PXK: variants seen among roughly 807,000 people sequenced by gnomAD.
The protein encoded by PXK is PX domain containing serine/threonine kinase like, also known as PX domain-containing protein kinase-like protein.
PXK carries 35 observed loss-of-function variants against 84.7 expected under a neutral mutation model. That is an observed-to-expected ratio of 0.41 (90% confidence interval 0.32 to 0.55). The LOEUF (loss-of-function observed/expected upper bound fraction) is 0.55, where lower values mean the gene tolerates loss of function less well. Among genes scored for constraint, PXK ranks in the 20% least tolerant of loss-of-function variants. The pLI is 0.21. For synonymous variants in PXK, 253 were observed against 260.8 expected (o/e 0.97, Z 0.29); for missense variants, 634 against 699.7 (o/e 0.91, Z 1.06).
chr3:58,391,521 G>A (rs569211119), intron 6 of PXK, among the ~76,000 whole-genome samples: 31 of 151,086 alleles, frequency 2.1e-4, no homozygotes, highest in African/African-American at 7.5e-4. Flanking sequence ...AAAAATACTT[G>A]GGCATTACTT....
At chr3:58,338,562 G>A (rs992007519) in intron 1 of PXK, among the ~76,000 whole-genome samples, 1 of 151,968 alleles carries the variant, frequency 6.6e-6, no homozygotes, top group African/African-American at 2.4e-5. Context: ...GGTGACGGTT[G>A]CAGTGAGCCA....
Position 58,424,796 on chromosome 3 carries a change from G to A in PXK, c.1573G>A (p.Ala525Thr). Residue 525 changes from alanine (A) to threonine (T), a missense_variant, in exon 18 of 18, where the codon GCA (alanine) becomes ACA (threonine). By Grantham distance (58) the Ala-to-Thr change is moderately conservative. Transcript: ENST00000356151. ...ACCTCCTCCACCTCCACCACCACCA[G>A]CAGCTCCCTTGCCTCCTGCGAGCAC... is the stretch of plus-strand genomic sequence containing the variant. Reference protein sequence around the residue: ...PPPPPPPPPPAAPLPPASTEA... With the variant: ...PPPPPPPPPPTAPLPPASTEA... The A allele has an allele frequency of 1.2e-6, 2 of 1,614,112 alleles. No individual in the cohort carries two copies. The highest frequency in any genetic ancestry group is 1.7e-6 in the Non-Finnish European group (2 of 1,180,008).
intron 1 of PXK, among the ~76,000 whole-genome samples, chr3:58,349,771 C>T (rs756407040): frequency 2.0e-5 from 3 of 152,254 alleles, no homozygotes; most frequent in Non-Finnish European, 4.4e-5. Context: ...GTCCCTTCGT[C>T]ACCCTATCCA....
intron 4 of PXK, among the ~76,000 whole-genome samples, chr3:58,388,543 A>G (rs1430909273): frequency 6.6e-6 from 1 of 152,242 alleles, no homozygotes; most frequent in Non-Finnish European, 1.5e-5. Flanking sequence ...GAAGAAGTAC[A>G]AAGTTCCCAG....
intron 1 of PXK, among the ~76,000 whole-genome samples, chr3:58,338,478 C>T (rs1186179083): frequency 6.7e-6 from 1 of 150,074 alleles, no homozygotes; most frequent in Non-Finnish European, 1.5e-5. Context: ...CAAAAATTAG[C>T]TGGGCATGGT....
In PXK at chr3:58,411,281, G is replaced by T. The variant is rs987066105; in HGVS notation, c.1465+1122G>T. Among the ~76,000 whole-genome samples, 7 of 152,186 alleles carry T rather than the reference G, an allele frequency of 4.6e-5. 1 individual carries two copies. The highest frequency in any genetic ancestry group is 8.8e-5 in the Non-Finnish European group (6 of 68,038). On this transcript the variant is annotated intron_variant, in intron 16 of 17. Transcript: ENST00000356151. The surrounding 1 kb of genome is among the most constrained non-coding windows in gnomAD (Gnocchi z 4.2). ...GCATGACCAGAGCTGGAGATTGGCA[G>T]CCCTGAATAGAGAAAGCCCATAAAC...
intron 1 of PXK, among the ~76,000 whole-genome samples, chr3:58,339,087 G>T (rs1001846450): frequency 3.3e-5 from 5 of 152,190 alleles, no homozygotes; most frequent in African/African-American, 1.2e-4. Flanking sequence ...CTGGAAATCT[G>T]AGATGGACGC....
intron 1 of PXK, among the ~76,000 whole-genome samples, chr3:58,362,596 A>G (rs1456059674): frequency 6.6e-6 from 1 of 152,234 alleles, no homozygotes; most frequent in East Asian, 1.9e-4. Context: ...CTTATATGGA[A>G]TTATTTCTGG....
intron 1 of PXK, among the ~76,000 whole-genome samples, chr3:58,342,665 G>GAAAAGAAAA (rs1189171984): frequency 3.1e-4 from 43 of 138,554 alleles, no homozygotes; most frequent in African/African-American, 1.1e-3. Context: ...AAGAAAAAAA[G>GAAAAGAAAA]AAAGAAAAAC....
intron 1 of PXK, among the ~76,000 whole-genome samples, chr3:58,339,746 G>A (rs996651843): frequency 7.2e-5 from 11 of 152,192 alleles, no homozygotes; most frequent in Non-Finnish European, 1.2e-4. Context: ...CTAGGGAACA[G>A]TGGAAAGAGC....
chr3:58,405,157 T>C (rs180924167), intron 13 of PXK, among the ~76,000 whole-genome samples: 26 of 152,334 alleles, frequency 1.7e-4, no homozygotes, highest in Non-Finnish European at 2.6e-4. Flanking sequence ...TCTGGAAAGA[T>C]ATACAGGAGA....
At position 58,391,274 on chromosome 3, in the gene PXK, A is replaced by T; in HGVS notation, c.540+54A>T. The T allele has an allele frequency of 2.8e-6, 4 of 1,438,884 alleles. No individual in the cohort carries two copies. In the South Asian group the frequency reaches 4.7e-5, roughly 17 times the overall value. 89.1% of individuals were successfully genotyped at this position (1,438,884 alleles called of 1,614,324 possible). A position where few individuals can be genotyped will look rare whatever the true frequency, so the allele number is the denominator to read the frequency against. On this transcript the variant is annotated intron_variant, in intron 6 of 17. Transcript: ENST00000356151. ...TCAGTGACTTTAGATGGGTTAATGA[A>T]AGCAGATTTGACAAGAGAATTACAA...
At chr3:58,363,788 G>T (rs1329231701) in intron 1 of PXK, among the ~76,000 whole-genome samples, 1 of 152,076 alleles carries the variant, frequency 6.6e-6, no homozygotes, top group Non-Finnish European at 1.5e-5. Flanking sequence ...GTAGTTTGTT[G>T]AGTAGGAGAA....
At chr3:58,389,999 CAAAAAAAAAAAA>C (rs61380830) in intron 4 of PXK, among the ~76,000 whole-genome samples, 2 of 51,632 alleles carry the variant, frequency 3.9e-5, no homozygotes, top group African/African-American at 9.0e-5. Context: ...AACTCCGTCT[CAAAAAAAAAAAA>C]AAAAAAAAAA....
At position 58,411,997 on chromosome 3, in the gene PXK, G is replaced by A. The variant is rs916329402; in HGVS notation, c.1466-904G>A. ...CACCAACATGTCCTGTGGGTAGTGA[G>A]GGAAGTGATGGCTGGGGCCTTAACC... On this transcript the variant is annotated intron_variant, in intron 16 of 17. Transcript: ENST00000356151. The surrounding 1 kb of genome is among the most constrained non-coding windows in gnomAD (Gnocchi z 4.2). Among the ~76,000 whole-genome samples the A allele has an allele frequency of 6.6e-6, 1 of 152,172 alleles. No individual in the cohort carries two copies. The highest frequency in any genetic ancestry group is 1.5e-5 in the Non-Finnish European group (1 of 68,036).
rs1169340017 is a variant in PXK at position 58,400,815 on chromosome 3, C to T, written c.1181+1438C>T. 6.6e-6 allele frequency among the ~76,000 whole-genome samples: 1 copy of T among 152,124 alleles called. No individual in the cohort carries two copies. The highest frequency in any genetic ancestry group is 6.5e-5 in the Admixed American group (1 of 15,274). On this transcript the variant is annotated intron_variant, in intron 12 of 17. Transcript: ENST00000356151. This position sits in a 1 kb window ranked among gnomAD's most constrained non-coding sequence, Gnocchi z 4.0. The stretch of plus-strand genomic sequence containing the variant: ...CCTGTAATCCCAGCTACTCAGGAGG[C>T]TGAGGCAGAAGAATCACTTGAACTG...
Position 58,401,401 on chromosome 3 carries a change from C to G in PXK, c.1181+2024C>G, listed in dbSNP as rs1040739211. 6.6e-6 allele frequency among the ~76,000 whole-genome samples: 1 copy of G among 152,078 alleles called. No homozygotes were observed. The highest frequency in any genetic ancestry group is 1.5e-5 in the Non-Finnish European group (1 of 68,012). On this transcript the variant is annotated intron_variant, in intron 12 of 17. Transcript: ENST00000356151. The surrounding 1 kb of genome is among the most constrained non-coding windows in gnomAD (Gnocchi z 4.4). ...GGCTGAGGCAGGTGGATCACTTGAG[C>G]TCAGGAGTTCAAGACCAGCCTGGCC...
intron 3 of PXK, among the ~76,000 whole-genome samples, chr3:58,380,604 A>T (rs935064962): frequency 2.0e-5 from 3 of 151,954 alleles, no homozygotes; most frequent in Non-Finnish European, 4.4e-5. Context: ...TGATGTCAGG[A>T]GTTCGAGACC....
At chr3:58,358,334 T>C (rs896819044) in intron 1 of PXK, among the ~76,000 whole-genome samples, 7 of 152,206 alleles carry the variant, frequency 4.6e-5, no homozygotes, top group Non-Finnish European at 7.3e-5. Flanking sequence ...ACCATCCTAC[T>C]CTACTTCTGG....
Sources: allele counts gnomAD v4.1 joint callset (sites outside exome capture counted in the v4.1 genomes callset), GRCh38; gene constraint gnomAD v4.1.1; non-coding constraint Gnocchi (gnomAD v3.1); transcripts MANE v1.5; gene names NCBI Gene and HGNC (gene_info 2026-07-23, HGNC 2026-07-21).